NUDT19: variants seen among roughly 807,000 people sequenced by gnomAD.
The protein encoded by NUDT19 is acyl-coenzyme A diphosphatase NUDT19.
Under a neutral mutation model 22.2 loss-of-function variants are expected in NUDT19, and 31 were observed. The ratio of observed to expected loss-of-function variants is 1.40; its 90% CI spans 1.05 to 1.89. NUDT19 has a LOEUF of 1.89. Ranked by LOEUF, NUDT19 falls within the 40% of genes most tolerant of loss-of-function variation. The pLI is 0.00. For missense variants in NUDT19, 752 were observed against 514.2 expected (o/e 1.46, Z -4.47); for synonymous variants, 325 against 230.8 (o/e 1.41, Z -3.70).
chr19:32,692,827 C>T (rs548870419), intron 1 of NUDT19, among the ~76,000 whole-genome samples, 153 bp downstream of exon 1: 1 of 152,224 alleles, frequency 6.6e-6, no homozygotes, highest in Non-Finnish European at 1.5e-5. Context: ...ACTCTCACCC[C>T]TGTAGACCAA....
rs577566425 is a variant in NUDT19, at chr19:32,693,570, G to A, written c.714+896G>A. 9.5e-4 allele frequency among the ~76,000 whole-genome samples: 145 copies of A among 152,296 alleles called. 1 individual carries two copies. The highest frequency in any genetic ancestry group is 2.1e-3 in the South Asian group (10 of 4,822). ...TGGCCAGCTTTTATTCCCTTATTTG[G>A]CCCTGCCCATGTCCTGCTGATTGGT... is the stretch of plus-strand genomic sequence containing the variant. On this transcript the variant is annotated intron_variant, in intron 1 of 2. Transcript: ENST00000397061.
rs1282829890 is a variant in NUDT19, at chr19:32,713,401, T to TCTG, written c.*1446_*1448dup. On this transcript the variant is annotated 3_prime_UTR_variant, in exon 3 of 3. Transcript: ENST00000397061. ...GTCTCGAACTTCTGACCTGAGGTGA[T>TCTG]CTGCCCACCTTGGCCTCACAAAGTG... 6.9e-6 allele frequency: 1 copy of TCTG among 144,894 alleles called. No homozygotes were observed. Among genetic ancestry groups the TCTG allele is most frequent in the Non-Finnish European group, 1.5e-5 (1 of 65,614 alleles). 9.0% of individuals were successfully genotyped at this position (144,894 alleles called of 1,614,324 possible).
chr19:32,692,511 A>G lies in NUDT19; in HGVS notation c.551A>G (p.His184Arg). 6.4e-7 allele frequency: 1 copy of G among 1,562,018 alleles called. No individual in the cohort carries two copies. ...CGCCACTTCCTGCGGCTGTGCGCCC[A>G]CCTCGACTGCACACCCGACATCTGG... ...DPRHFLRLCA[H>R]LDCTPDIWAL... The change falls in exon 1 of 3, where the codon CAC becomes CGC. Residue 184 changes from histidine (H) to arginine (R), a missense_variant. By Grantham distance (29) the His-to-Arg change is conservative. Coordinates refer to ENST00000397061, the MANE Select transcript of NUDT19 (RefSeq NM_001105570.2).
chr19:32,696,507 C>G (rs537988362), intron 1 of NUDT19, among the ~76,000 whole-genome samples: 1 of 152,158 alleles, frequency 6.6e-6, no homozygotes, highest in African/African-American at 2.4e-5. Flanking sequence ...AGGCTTAAGG[C>G]TAGAGCTTGA....
Position 32,692,100 on chromosome 19 carries a change from T to A in NUDT19, c.140T>A (p.Leu47Gln). Residue 47 changes from leucine (L) to glutamine (Q), a missense_variant, in exon 1 of 3, where the codon CTG becomes CAG. Leu to Gln is a moderately radical substitution (Grantham distance 113). Transcript: ENST00000397061. ...PPAEGFRLLL[L>Q]QRSPHQGFMP... Reference sequence around the variant, plus strand: ...GCCGAGGGCTTCCGGCTGCTGCTGCTGCAGCGCTCCCCGCACCAAGGCTTC... The same window carrying A: ...GCCGAGGGCTTCCGGCTGCTGCTGCAGCAGCGCTCCCCGCACCAAGGCTTC... The A allele has an allele frequency of 1.4e-6, 2 of 1,397,294 alleles. No individual in the cohort carries two copies. Among genetic ancestry groups the A allele is most frequent in the Non-Finnish European group, 1.8e-6 (2 of 1,081,518 alleles). The allele number at this position is 1,397,294 out of a possible 1,614,324, so 86.6% of individuals were successfully genotyped here.
intron 1 of NUDT19, among the ~76,000 whole-genome samples, chr19:32,706,068 T>C (rs1373430727): frequency 6.6e-6 from 1 of 152,158 alleles, no homozygotes; most frequent in Non-Finnish European, 1.5e-5. Flanking sequence ...TCTCTCCTTA[T>C]GTATACAATG....
chr19:32,691,896 C>A lies in NUDT19; in HGVS notation c.-65C>A. The stretch of plus-strand genomic sequence containing the variant: ...GCCCCCGGAGGTGCTGGGGTCCCTG[C>A]AGGGCCGGGCCACCTGCCGTGGAGC... On this transcript the variant is annotated 5_prime_UTR_variant, in exon 1 of 3. Transcript: ENST00000397061. 1.0e-6 allele frequency: 1 copy of A among 965,004 alleles called. No individual in the cohort carries two copies. The highest frequency in any genetic ancestry group is 1.3e-6 in the Non-Finnish European group (1 of 753,480). The allele number at this position is 965,004 out of a possible 1,614,324, so 59.8% of individuals were successfully genotyped here. A position where few individuals can be genotyped will look rare whatever the true frequency, so the allele number is the denominator to read the frequency against.
intron 1 of NUDT19, among the ~76,000 whole-genome samples, chr19:32,702,795 CTG>C (rs886935779): frequency 7.9e-5 from 12 of 152,084 alleles, no homozygotes; most frequent in African/African-American, 2.9e-4. Flanking sequence ...TTTCTTATGA[CTG>C]TTTTATTTCC....
At position 32,713,241 on chromosome 19, in the gene NUDT19, A is replaced by G. The variant is rs1968467339; in HGVS notation, c.*1284A>G. ...AATGGCGCAATCTCAGCTCACTCCAATCTCCGCCTCCCAGGTTCAAGCGAT... is the reference window on the plus strand; with the variant it reads ...AATGGCGCAATCTCAGCTCACTCCAGTCTCCGCCTCCCAGGTTCAAGCGAT... On this transcript the variant is annotated 3_prime_UTR_variant, in exon 3 of 3. Transcript: ENST00000397061. The G allele has an allele frequency of 1.3e-5, 2 of 152,074 alleles. No homozygotes were observed. The allele number at this position is 152,074 out of a possible 1,614,324, so 9.4% of individuals were successfully genotyped here. A position where few individuals can be genotyped will look rare whatever the true frequency, so the allele number is the denominator to read the frequency against.
chr19:32,700,527 G>A (rs1465932565), intron 1 of NUDT19, among the ~76,000 whole-genome samples: 2 of 152,178 alleles, frequency 1.3e-5, no homozygotes, highest in African/African-American at 4.8e-5. Flanking sequence ...CTCTCACTGG[G>A]CTGAAGTGAT....
intron 1 of NUDT19, among the ~76,000 whole-genome samples, chr19:32,697,652 G>C (rs376207596): frequency 6.6e-6 from 1 of 152,114 alleles, no homozygotes; most frequent in Non-Finnish European, 1.5e-5. Flanking sequence ...TTCTTCAACT[G>C]TCATTCTATC....
At chr19:32,706,309 A>G (rs1968386401) in intron 1 of NUDT19, among the ~76,000 whole-genome samples, 1 of 152,194 alleles carries the variant, frequency 6.6e-6, no homozygotes, top group Non-Finnish European at 1.5e-5. Flanking sequence ...GTCTGAAAAT[A>G]TTAAGATATT....
rs900443913 is a variant in NUDT19, at chr19:32,694,023, C to T, written c.714+1349C>T. ...GCCAGTGGGTCGGTCCAGGGGTCCT[C>T]GGTAGAAGTTGTTAGTTGAGCTCAT... On this transcript the variant is annotated intron_variant, in intron 1 of 2. Transcript: ENST00000397061. 4.6e-5 allele frequency among the ~76,000 whole-genome samples: 7 copies of T among 152,118 alleles called. No homozygotes were observed. In the South Asian group the frequency reaches 8.3e-4, roughly 18 times the overall value.
At chr19:32,700,250 T>C (rs905688793) in intron 1 of NUDT19, among the ~76,000 whole-genome samples, 1 of 152,104 alleles carries the variant, frequency 6.6e-6, no homozygotes, top group Non-Finnish European at 1.5e-5. Flanking sequence ...TTTTACAGAG[T>C]GCTGAGTGGT....
rs1968457804 is a variant in NUDT19, at chr19:32,712,375, C to CAT, written c.*418_*419insAT. The CAT allele has an allele frequency of 1.1e-5, 1 of 92,982 alleles. No homozygotes were observed. The allele number at this position is 92,982 out of a possible 1,614,324, so 5.8% of individuals were successfully genotyped here. On this transcript the variant is annotated 3_prime_UTR_variant, in exon 3 of 3. Transcript: ENST00000397061. ...TACAGGTGTGGGCCACCACACCCAG[C>CAT]CTTTTTTTTTTTTTTTTTTTTTTTT... is the stretch of plus-strand genomic sequence containing the variant.
chr19:32,699,600 G>A (rs558875496), intron 1 of NUDT19, among the ~76,000 whole-genome samples: 169 of 152,230 alleles, frequency 1.1e-3, no homozygotes, highest in African/African-American at 3.9e-3. Flanking sequence ...GCTTTTAACT[G>A]GCCAACATGT....
intron 2 of NUDT19, among the ~76,000 whole-genome samples, chr19:32,710,093 C>T (rs540852586): frequency 1.6e-4 from 25 of 151,988 alleles, no homozygotes; most frequent in South Asian, 1.2e-3. Context: ...CTCACTGCAA[C>T]CTTTGCCTCC....
intron 1 of NUDT19, among the ~76,000 whole-genome samples, chr19:32,693,228 A>C (rs990687914): frequency 6.6e-6 from 1 of 152,022 alleles, no homozygotes; most frequent in Non-Finnish European, 1.5e-5. Context: ...CTTCCTTCAG[A>C]TGTTCAGATG....
intron 1 of NUDT19, among the ~76,000 whole-genome samples, chr19:32,699,589 C>T (rs760601982): frequency 5.3e-5 from 8 of 152,138 alleles, no homozygotes; most frequent in Middle Eastern, 3.2e-3. Context: ...CCACACTAGT[C>T]GCTTTTAACT....
Sources: gnomAD v4.1 joint callset for allele counts (sites outside exome capture counted in the v4.1 genomes callset) on GRCh38, gnomAD v4.1.1 for gene constraint, MANE v1.5 for transcripts, NCBI Gene and HGNC (gene_info 2026-07-23, HGNC 2026-07-21) for gene names.